Variants in PHF3 observed in about 807,000 individuals in gnomAD.
The protein encoded by PHF3 is PHD finger protein 3.
In PHF3, 41 loss-of-function variants were observed where a neutral mutation model predicts 178.4. That is an observed-to-expected ratio of 0.23 (90% CI 0.18 to 0.30). The LOEUF (loss-of-function observed/expected upper bound fraction) is 0.30. PHF3 is among the 10% of genes least tolerant of loss of function. The pLI is 1.00. For missense variants in PHF3, 2,346 were observed against 2,398.1 expected (o/e 0.98, Z 0.45); for synonymous variants, 842 against 800.5 (o/e 1.05, Z -0.88).
chr6:63,660,063 G>C (rs1015113908), intron 2 of PHF3, among the ~76,000 whole-genome samples: 1 of 151,840 alleles, frequency 6.6e-6, no homozygotes, highest in African/African-American at 2.4e-5. Context: ...TTTCTTTTTA[G>C]TTTTGTTCTT....
chr6:63,720,707 A>G lies in PHF3; in HGVS notation c.*6999A>G, dbSNP rs1357829953. On this transcript the variant is annotated 3_prime_UTR_variant, in exon 16 of 16. Transcript: ENST00000262043. ...ATACAACATCTTTAATTTTGCCAAC[A>G]AAATTGGTTTTAAAAATCTCTTGAG... The G allele has an allele frequency of 1.3e-6, 2 of 1,548,608 alleles. No individual in the cohort carries two copies. The highest frequency in any genetic ancestry group is 2.7e-5 in the African/African-American group (2 of 72,914).
intron 6 of PHF3, among the ~76,000 whole-genome samples, chr6:63,697,969 A>G (rs146360649): frequency 1.3e-5 from 2 of 152,306 alleles, no homozygotes; most frequent in African/African-American, 4.8e-5. Context: ...TTAAAAGTTA[A>G]TTAATATATA....
At chr6:63,669,943 C>A (rs1425911052) in intron 2 of PHF3, among the ~76,000 whole-genome samples, 1 of 152,018 alleles carries the variant, frequency 6.6e-6, no homozygotes, top group African/African-American at 2.4e-5. Flanking sequence ...TAGTAATTCT[C>A]TTATGTGTTC....
chr6:63,669,305 C>A (rs1765808914), intron 2 of PHF3, among the ~76,000 whole-genome samples: 1 of 152,122 alleles, frequency 6.6e-6, no homozygotes, highest in Non-Finnish European at 1.5e-5. Flanking sequence ...TCTTGGGAAA[C>A]CAGTGATTGT....
At position 63,646,633 on chromosome 6, in the gene PHF3, A is replaced by G; in HGVS notation, c.82A>G (p.Asn28Asp). ...CCTATTTCTAGGATCCAACCTGGAG[A>G]ATGAAGTCTGTGAGGATTTTAGTGC... ...DALFLGSNLENEVCEDFSASQ... is the reference protein window; with the variant it reads ...DALFLGSNLEDEVCEDFSASQ... The change falls in exon 2 of 16, where the codon AAT (asparagine) becomes GAT (aspartate). Residue 28 changes from asparagine to aspartate, a missense_variant. Physicochemically the swap from Asn to Asp is conservative, Grantham distance 23. This residue lies in a region of PHF3 where 843 missense variants were observed against 795.2 expected (regional missense o/e 1.06). Coordinates refer to ENST00000262043, the MANE Select transcript of PHF3 (RefSeq NM_001370348.2). 1.9e-6 allele frequency: 3 copies of G among 1,613,824 alleles called. No individual in the cohort carries two copies. The highest frequency in any genetic ancestry group is 2.5e-6 in the Non-Finnish European group (3 of 1,179,912).
chr6:63,686,010 A>G (rs1334411391), intron 4 of PHF3, 99 bp downstream of exon 4: 2 of 768,124 alleles, frequency 2.6e-6, no homozygotes, highest in Admixed American at 5.2e-5. Context: ...ACATTATTTG[A>G]TACACAGAGA....
rs1767971980 is a variant in PHF3, at chr6:63,712,174, A to G, written c.4586A>G (p.Asn1529Ser). The G allele has an allele frequency of 2.5e-6, 4 of 1,613,154 alleles. No individual in the cohort carries two copies. Among genetic ancestry groups the G allele is most frequent in the East Asian group, 4.5e-5 (2 of 44,852 alleles). Residue 1529 changes from asparagine to serine, a missense_variant, in exon 16 of 16, where the codon AAT becomes AGT. By Grantham distance (46) the Asn-to-Ser change is conservative. Coordinates refer to ENST00000262043, the MANE Select transcript of PHF3 (RefSeq NM_001370348.2). ...ENKEIKVKVD[N>S]ISESTDKSAE... ...AAGGAGATAAAAGTTAAAGTAGATA[A>G]TATTTCAGAATCTACAGATAAGTCA... is the stretch of plus-strand genomic sequence containing the variant.
At chr6:63,666,381 A>C (rs1765682076) in intron 2 of PHF3, among the ~76,000 whole-genome samples, 1 of 151,896 alleles carries the variant, frequency 6.6e-6, no homozygotes, top group Non-Finnish European at 1.5e-5. Context: ...ATATATTTAC[A>C]TATATATATG....
At chr6:63,677,899 G>A (rs1252942733) in intron 2 of PHF3, among the ~76,000 whole-genome samples, 1 of 152,036 alleles carries the variant, frequency 6.6e-6, no homozygotes, top group Non-Finnish European at 1.5e-5. Flanking sequence ...TGTATTTAAA[G>A]GAGCATAGTA....
At position 63,720,538 on chromosome 6, in the gene PHF3, A is replaced by G; in HGVS notation, c.*6830A>G. On this transcript the variant is annotated 3_prime_UTR_variant, in exon 16 of 16. Coordinates refer to ENST00000262043, the MANE Select transcript of PHF3 (RefSeq NM_001370348.2). ...TCCCCGTAAGCAATGTATCAAAGAAATAACTATCAAAATAACTGCATTTAT... is the reference window on the plus strand; with the variant it reads ...TCCCCGTAAGCAATGTATCAAAGAAGTAACTATCAAAATAACTGCATTTAT... 7.9e-7 allele frequency: 1 copy of G among 1,267,258 alleles called. No homozygotes were observed. The highest frequency in any genetic ancestry group is 1.1e-6 in the Non-Finnish European group (1 of 940,258). The allele number at this position is 1,267,258 out of a possible 1,614,324, so 78.5% of individuals were successfully genotyped here. A position where few individuals can be genotyped will look rare whatever the true frequency, so the allele number is the denominator to read the frequency against.
At chr6:63,652,102 T>C (rs1459333666) in intron 2 of PHF3, among the ~76,000 whole-genome samples, 1 of 152,196 alleles carries the variant, frequency 6.6e-6, no homozygotes, top group Non-Finnish European at 1.5e-5. Flanking sequence ...TCTTAGTTTT[T>C]TGAGGAACTT....
intron 2 of PHF3, among the ~76,000 whole-genome samples, chr6:63,660,828 T>C (rs1249986925): frequency 6.6e-6 from 1 of 152,204 alleles, no homozygotes; most frequent in East Asian, 1.9e-4. Context: ...ATCAGCAGGC[T>C]TGCTTACTGC....
chr6:63,640,630 C>T (rs1274589953), intron 1 of PHF3, among the ~76,000 whole-genome samples: 1 of 152,140 alleles, frequency 6.6e-6, no homozygotes, highest in East Asian at 1.9e-4. Flanking sequence ...TCTGTTCTTC[C>T]TGTAGGAGAT....
Position 63,653,177 on chromosome 6 carries a change from G to A in PHF3, c.244+6382G>A, listed in dbSNP as rs370600633. ...TAGTTTTTTTTTTTTGTGGTTCTGT[G>A]TATTGTTTTTTTTGTGTGGTTTTGG... On this transcript the variant is annotated intron_variant, in intron 2 of 15. Transcript: ENST00000262043. Among the ~76,000 whole-genome samples, 4 of 133,470 alleles carry A rather than the reference G, an allele frequency of 3.0e-5. No homozygotes were observed. The East Asian group carries it at 6.7e-4, about 22-fold the overall frequency. 87.6% of individuals were successfully genotyped at this position (133,470 alleles called of 152,430 possible).
intron 2 of PHF3, among the ~76,000 whole-genome samples, chr6:63,663,113 G>A (rs1177760731): frequency 2.0e-5 from 3 of 152,096 alleles, no homozygotes; most frequent in Non-Finnish European, 4.4e-5. Context: ...TGTCTAATTA[G>A]CCTCATAATT....
intron 3 of PHF3, among the ~76,000 whole-genome samples, chr6:63,683,025 A>C (rs1766506815): frequency 6.6e-6 from 1 of 152,082 alleles, no homozygotes; most frequent in Non-Finnish European, 1.5e-5. Flanking sequence ...TTATAACTGA[A>C]TATGTGATAA....
At chr6:63,704,781 A>G (rs1269807352) in intron 11 of PHF3, among the ~76,000 whole-genome samples, 3 of 152,130 alleles carry the variant, frequency 2.0e-5, no homozygotes, top group Admixed American at 6.5e-5. Context: ...GCTGGATTGT[A>G]TGGTAAGAGT....
At chr6:63,668,320 AT>A (rs902732885) in intron 2 of PHF3, among the ~76,000 whole-genome samples, 3 of 151,938 alleles carry the variant, frequency 2.0e-5, no homozygotes, top group Admixed American at 6.6e-5. Flanking sequence ...GTGGCAAATA[AT>A]TTTTTTGGCT....
chr6:63,663,527 C>T (rs1018021890), intron 2 of PHF3, among the ~76,000 whole-genome samples: 1 of 152,126 alleles, frequency 6.6e-6, no homozygotes, highest in Non-Finnish European at 1.5e-5. Flanking sequence ...CCTGTCTGAC[C>T]CCAGAAACAC....
Sources: gnomAD v4.1 joint callset for allele counts (sites outside exome capture counted in the v4.1 genomes callset) on GRCh38, gnomAD v4.1.1 for gene constraint, gnomAD v4.1.1 regional missense constraint, MANE v1.5 for transcripts, NCBI Gene and HGNC (gene_info 2026-07-23, HGNC 2026-07-21) for gene names.